Variants in CELSR1 observed in about 807,000 individuals in gnomAD.
CELSR1 encodes the protein cadherin EGF LAG seven-pass G-type receptor 1, also known as adhesion G protein-coupled receptor C1.
Under a neutral mutation model 249.1 loss-of-function variants are expected in CELSR1, and 110 were observed. That is an observed-to-expected ratio of 0.44 (90% CI 0.38 to 0.52). CELSR1 has a LOEUF of 0.52. CELSR1 is among the 20% of genes least tolerant of loss of function. The pLI is 0.00. For synonymous variants in CELSR1, 2,113 were observed against 1,900.0 expected (o/e 1.11, Z -2.92); for missense variants, 4,109 against 4,296.4 (o/e 0.96, Z 1.22).
chr22:46,503,618 A>G (rs1316366609), intron 1 of CELSR1, among the ~76,000 whole-genome samples: 1 of 152,246 alleles, frequency 6.6e-6, no homozygotes, highest in East Asian at 1.9e-4. Context: ...ATGCAACCCT[A>G]CGGGGTCAGT....
intron 1 of CELSR1, among the ~76,000 whole-genome samples, chr22:46,470,072 G>A (rs1602181836): frequency 2.2e-5 from 3 of 137,546 alleles, no homozygotes; most frequent in African/African-American, 5.4e-5. Context: ...ACAGCATAAT[G>A]AGACTTCATT....
Position 46,393,724 on chromosome 22 carries a change from C to T in CELSR1, c.5964+418G>A, listed in dbSNP as rs1054523489. On this transcript the variant is annotated intron_variant, in intron 14 of 34. Coordinates refer to ENST00000674500, the MANE Select transcript of CELSR1 (RefSeq NM_001378328.1). This position sits in a 1 kb window ranked among gnomAD's most constrained non-coding sequence, Gnocchi z 4.1. ...CTGCACTCCAGCCTGGGCGACACAG[C>T]GAGACTCTGTCTCAAAAAAAAAAAA... Among the ~76,000 whole-genome samples, 2 of 145,556 alleles carry T rather than the reference C, an allele frequency of 1.4e-5. No homozygotes were observed. Among genetic ancestry groups the T allele is most frequent in the Non-Finnish European group, 1.5e-5 (1 of 66,896 alleles).
intron 1 of CELSR1, among the ~76,000 whole-genome samples, chr22:46,483,604 C>A (rs1602198536): frequency 6.6e-6 from 1 of 152,060 alleles, no homozygotes; most frequent in Admixed American, 6.6e-5. Context: ...CTCCTGGAGT[C>A]CCCTGAGGAT....
At chr22:46,382,204 A>T (rs538928336) in intron 20 of CELSR1, among the ~76,000 whole-genome samples, 154 bp from the exon 21 acceptor site, 1 of 152,182 alleles carries the variant, frequency 6.6e-6, no homozygotes, top group African/African-American at 2.4e-5. Flanking sequence ...GACTTATCAC[A>T]TGACCCTGCA....
chr22:46,391,232 G>C lies in CELSR1; in HGVS notation c.6204C>G (p.Thr2068=). ...GCACCGCAGCCGGCTGCCCGAACTT[G>C]GTCTGTGGCCACCAGATGCCGGCCT... ...AFEAGIWWPQ[T]KFGQPAAVPC... Residue 2068 remains threonine (T), a synonymous_variant, in exon 16 of 35, where the codon ACC becomes ACG. Coordinates refer to ENST00000674500, the MANE Select transcript of CELSR1 (RefSeq NM_001378328.1). This position sits in a 1 kb window ranked among gnomAD's most constrained non-coding sequence, Gnocchi z 4.3. 1.2e-6 allele frequency: 2 copies of C among 1,613,686 alleles called. No homozygotes were observed. Among genetic ancestry groups the C allele is most frequent in the Non-Finnish European group, 1.7e-6 (2 of 1,179,996 alleles).
At chr22:46,508,847 T>G (rs564527268) in intron 1 of CELSR1, among the ~76,000 whole-genome samples, 19 of 152,290 alleles carry the variant, frequency 1.2e-4, no homozygotes, top group African/African-American at 3.8e-4. Context: ...TCTGTGAACC[T>G]GGGAAACTGG....
At chr22:46,482,195 CA>C (rs2080273312) in intron 1 of CELSR1, among the ~76,000 whole-genome samples, 1 of 152,244 alleles carries the variant, frequency 6.6e-6, no homozygotes, top group African/African-American at 2.4e-5. Flanking sequence ...CCACATGGCA[CA>C]GGGGCACGGC....
rs1188326743 is a variant in CELSR1 at position 46,500,846 on chromosome 22, C to T, written c.3544+32781G>A. ...CGTCTCTCAGGCTCAGAACATCCCC[C>T]ATCTGCGGGCAGAGCTGTCCTTGTA... is the stretch of plus-strand genomic sequence containing the variant. On this transcript the variant is annotated intron_variant, in intron 1 of 34. Coordinates refer to ENST00000674500, the MANE Select transcript of CELSR1 (RefSeq NM_001378328.1). The surrounding 1 kb of genome is among the most constrained non-coding windows in gnomAD (Gnocchi z 4.9). 6.6e-6 allele frequency among the ~76,000 whole-genome samples: 1 copy of T among 152,118 alleles called. No individual in the cohort carries two copies. Among genetic ancestry groups the T allele is most frequent in the Admixed American group, 6.6e-5 (1 of 15,266 alleles).
intron 2 of CELSR1, among the ~76,000 whole-genome samples, chr22:46,439,701 G>A (rs1446207558): frequency 6.6e-6 from 1 of 152,098 alleles, no homozygotes; most frequent in Non-Finnish European, 1.5e-5. Context: ...TGGCAGCAAT[G>A]AGCCCTTCCC....
At chr22:46,384,872 C>T (rs1247857960) in intron 19 of CELSR1, among the ~76,000 whole-genome samples, 186 bp from the exon 20 acceptor site, 4 of 143,454 alleles carry the variant, frequency 2.8e-5, no homozygotes, top group Non-Finnish European at 4.4e-5. Flanking sequence ...TCACTGCAAC[C>T]TCCGCCTCCC....
intron 5 of CELSR1, among the ~76,000 whole-genome samples, chr22:46,415,871 C>A (rs2079393911): frequency 6.6e-6 from 1 of 152,216 alleles, no homozygotes; most frequent in African/African-American, 2.4e-5. Flanking sequence ...TAAGTGAAAA[C>A]AGCAGCAGAT....
chr22:46,368,800 C>G (rs1461131330), intron 27 of CELSR1, among the ~76,000 whole-genome samples: 1 of 152,042 alleles, frequency 6.6e-6, no homozygotes, highest in African/African-American at 2.4e-5. Context: ...GGGGGGTCTC[C>G]TCCCCTCCAG....
chr22:46,531,259 G>A (rs1436240407), intron 1 of CELSR1, among the ~76,000 whole-genome samples: 4 of 151,984 alleles, frequency 2.6e-5, no homozygotes, highest in Non-Finnish European at 2.9e-5. Context: ...AGGCTACAGT[G>A]CAGCAGTGGG....
At position 46,535,962 on chromosome 22, in the gene CELSR1, G is replaced by C. The variant is rs749493636; in HGVS notation, c.1209C>G (p.Asn403Lys). The change falls in exon 1 of 35, where the codon AAC (asparagine) becomes AAG (lysine). Residue 403 changes from asparagine (N) to lysine (K), a missense_variant. Around this residue, in one of 7 missense-constraint regions of CELSR1, gnomAD observed 673 missense variants for 636.8 expected, o/e 1.06. Transcript: ENST00000674500. Reference protein sequence around the residue: ...LGGAWDVFQLNESSGVVSTRA... With the variant: ...LGGAWDVFQLKESSGVVSTRA... ...GTGTGCTCACCACGCCAGAGCTCTC[G>C]TTGAGCTGGAAGACGTCCCACGCGC... 3 of 1,610,232 alleles carry C rather than the reference G, an allele frequency of 1.9e-6. No individual in the cohort carries two copies. Among genetic ancestry groups the C allele is most frequent in the African/African-American group, 2.7e-5 (2 of 74,930 alleles).
chr22:46,411,304 G>A lies in CELSR1; in HGVS notation c.4769+298C>T, dbSNP rs957151274. On this transcript the variant is annotated intron_variant, in intron 6 of 34. Transcript: ENST00000674500. This position sits in a 1 kb window ranked among gnomAD's most constrained non-coding sequence, Gnocchi z 4.2. ...TGGAGTCCCAGGTACCAGAATTTGC[G>A]GGGACAAAGCCAGTGATCCGTGGAG... Among the ~76,000 whole-genome samples, 5 of 152,194 alleles carry A rather than the reference G, an allele frequency of 3.3e-5. No individual in the cohort carries two copies. The highest frequency in any genetic ancestry group is 1.9e-4 in the East Asian group (1 of 5,194).
chr22:46,433,369 G>C lies in CELSR1; in HGVS notation c.4611+24C>G, dbSNP rs1214827437. On this transcript the variant is annotated intron_variant, in intron 5 of 34. Transcript: ENST00000674500. The surrounding 1 kb of genome is among the most constrained non-coding windows in gnomAD (Gnocchi z 5.7). ...CTTCTCGAGCCGCCCTGGGGCCAGGGGGAAGTGGTGGGGCCCATCTTACCT... is the reference window on the plus strand; with the variant it reads ...CTTCTCGAGCCGCCCTGGGGCCAGGCGGAAGTGGTGGGGCCCATCTTACCT... 1.3e-6 allele frequency: 2 copies of C among 1,599,432 alleles called. No individual in the cohort carries two copies.
chr22:46,534,600 G>C lies in CELSR1; in HGVS notation c.2571C>G (p.Ala857=), dbSNP rs2080829663. The C allele has an allele frequency of 1.2e-6, 2 of 1,613,810 alleles. No individual in the cohort carries two copies. Among genetic ancestry groups the C allele is most frequent in the Admixed American group, 1.7e-5 (1 of 60,016 alleles). ...CCTGGGCCATGATGGTCAGCGTGTAGGCGACCTGGTTCTCATAGTCCAGCT... is the reference window on the plus strand; with the variant it reads ...CCTGGGCCATGATGGTCAGCGTGTACGCGACCTGGTTCTCATAGTCCAGCT... The part of the protein sequence containing the change: ...MMELDYENQV[A]YTLTIMAQDN... Residue 857 remains alanine (A), a synonymous_variant, in exon 1 of 35, where the codon GCC becomes GCG. Coordinates refer to ENST00000674500, the MANE Select transcript of CELSR1 (RefSeq NM_001378328.1). This position sits in a 1 kb window ranked among gnomAD's most constrained non-coding sequence, Gnocchi z 9.7.
rs537994545 is a variant in CELSR1, at chr22:46,410,109, G to C, written c.4934-229C>G. 7.2e-5 allele frequency among the ~76,000 whole-genome samples: 11 copies of C among 152,334 alleles called. No individual in the cohort carries two copies. Among genetic ancestry groups the C allele is most frequent in the African/African-American group, 2.6e-4 (11 of 41,574 alleles). On this transcript the variant is annotated intron_variant, in intron 7 of 34. Coordinates refer to ENST00000674500, the MANE Select transcript of CELSR1 (RefSeq NM_001378328.1). This position sits in a 1 kb window ranked among gnomAD's most constrained non-coding sequence, Gnocchi z 6.8. The stretch of plus-strand genomic sequence containing the variant: ...GCCAGGCCATCACGGCAGCCGGCCC[G>C]GTCACCTGGTGACACATATGCAAGA...
At position 46,394,481 on chromosome 22, in the gene CELSR1, T is replaced by C. The variant is rs562799715; in HGVS notation, c.5844-219A>G. ...TCCACCATGCCCAAAGCGACTGGGA[T>C]GACATCTCTGTCCACCGTGTGCCCC... On this transcript the variant is annotated intron_variant, in intron 13 of 34. Coordinates refer to ENST00000674500, the MANE Select transcript of CELSR1 (RefSeq NM_001378328.1). Among the ~76,000 whole-genome samples the C allele has an allele frequency of 3.3e-5, 5 of 152,250 alleles. No homozygotes were observed. In the South Asian group the frequency reaches 1.0e-3, roughly 32 times the overall value.
Sources: gnomAD v4.1 joint callset for allele counts (sites outside exome capture counted in the v4.1 genomes callset) on GRCh38, gnomAD v4.1.1 for gene constraint, gnomAD v4.1.1 regional missense constraint, Gnocchi (gnomAD v3.1) non-coding constraint, MANE v1.5 for transcripts, NCBI Gene and HGNC (gene_info 2026-07-23, HGNC 2026-07-21) for gene names.